The following TTC28 variants were observed in gnomAD, a reference collection of about 807,000 sequenced individuals.
TTC28 encodes tetratricopeptide repeat protein 28.
Under a neutral mutation model 198.0 loss-of-function variants are expected in TTC28, and 61 were observed. That is an observed-to-expected ratio of 0.31 (90% CI 0.25 to 0.38). TTC28 has a LOEUF of 0.38. TTC28 is among the 10% of genes least tolerant of loss of function. TTC28 has a pLI of 1.00. For missense variants in TTC28, 2,678 were observed against 3,164.0 expected, an observed-to-expected ratio of 0.85 and a Z score of 3.69; for synonymous variants, 1,171 against 1,297.8, an observed-to-expected ratio of 0.90 and a Z score of 2.10.
At chr22:28,214,605 T>C (rs892770208) in intron 5 of TTC28, among the ~76,000 whole-genome samples, 1 of 152,168 alleles carries the variant, frequency 6.6e-6, no homozygotes, top group African/African-American at 2.4e-5. Context: ...CCAGTTAGAA[T>C]GGCAAACATT....
At chr22:28,448,256 T>C (rs2146247170) in intron 2 of TTC28, among the ~76,000 whole-genome samples, 1 of 152,300 alleles carries the variant, frequency 6.6e-6, no homozygotes, top group East Asian at 1.9e-4. Context: ...ATTAAAATAG[T>C]ATTTTACTCA....
chr22:28,003,955 AAGT>A, intron 14 of TTC28, among the ~76,000 whole-genome samples: 1 of 152,156 alleles, frequency 6.6e-6, no homozygotes, highest in East Asian at 1.9e-4. Flanking sequence ...GACCGTAGGG[AAGT>A]CAGATAAATT....
intron 2 of TTC28, among the ~76,000 whole-genome samples, chr22:28,413,163 C>T (rs1485511128): frequency 6.6e-6 from 1 of 152,024 alleles, no homozygotes; most frequent in Non-Finnish European, 1.5e-5. Context: ...CAGCCGGGCG[C>T]GGTGCCTCAC....
At chr22:28,381,531 G>A (rs1484826813) in intron 2 of TTC28, among the ~76,000 whole-genome samples, 1 of 152,096 alleles carries the variant, frequency 6.6e-6, no homozygotes, top group Non-Finnish European at 1.5e-5. Context: ...TTACTCTGAT[G>A]ATATTTTTTG....
chr22:28,173,819 G>A (rs1043816016), intron 5 of TTC28, among the ~76,000 whole-genome samples: 4 of 152,022 alleles, frequency 2.6e-5, no homozygotes, highest in Admixed American at 6.6e-5. Context: ...ATTTAAACAC[G>A]TTTTCCTTCC....
intron 2 of TTC28, among the ~76,000 whole-genome samples, chr22:28,570,183 T>C (rs1474208646): frequency 6.6e-6 from 1 of 152,190 alleles, no homozygotes; most frequent in East Asian, 1.9e-4. Flanking sequence ...AGAACTACTA[T>C]TCAACACAGC....
chr22:28,221,555 A>T (rs1488812691), intron 5 of TTC28, among the ~76,000 whole-genome samples: 1 of 152,026 alleles, frequency 6.6e-6, no homozygotes, highest in Non-Finnish European at 1.5e-5. Context: ...TATGGTATGA[A>T]CCCCATGATA....
Position 28,105,437 on chromosome 22 carries a change from A to T in TTC28, c.3149T>A (p.Leu1050Gln), listed in dbSNP as rs561561490. ...YGNLGLTYES[L>Q]GTFERAVVYQ... ...GACCACAGCCCTCTCGAAGGTGCCC[A>T]GGGATTCATAAGTCAGGCCCAGGTT... is the stretch of plus-strand genomic sequence containing the variant. The change falls in exon 8 of 23, where the codon CTG becomes CAG. Residue 1050 changes from leucine (L) to glutamine (Q), a missense_variant. Leu to Gln is a moderately radical substitution (Grantham distance 113). This residue lies in a region of TTC28 where 727 missense variants were observed against 861.9 expected (regional missense o/e 0.84). Transcript: ENST00000397906. 7.2e-5 allele frequency: 112 copies of T among 1,551,694 alleles called. No individual in the cohort carries two copies. The highest frequency in any genetic ancestry group is 4.3e-4 in the Admixed American group (22 of 51,004).
intron 2 of TTC28, among the ~76,000 whole-genome samples, chr22:28,356,751 A>G (rs898605179): frequency 6.6e-5 from 10 of 150,856 alleles, no homozygotes; most frequent in Non-Finnish European, 6.0e-5. Context: ...GGCAGCTGAG[A>G]ACCTGTTGCA....
intron 5 of TTC28, among the ~76,000 whole-genome samples, chr22:28,244,169 AAGG>A (rs1392503364): frequency 6.6e-6 from 1 of 152,158 alleles, no homozygotes; most frequent in African/African-American, 2.4e-5. Flanking sequence ...AGTAGTAAGG[AAGG>A]AGGACAGGCA....
At chr22:28,363,786 T>C (rs1471216467) in intron 2 of TTC28, among the ~76,000 whole-genome samples, 1 of 152,198 alleles carries the variant, frequency 6.6e-6, no homozygotes, top group Non-Finnish European at 1.5e-5. Flanking sequence ...TATTTGACTG[T>C]CTCTCTGGAT....
intron 12 of TTC28, among the ~76,000 whole-genome samples, chr22:28,040,045 T>C (rs1188287490): frequency 1.3e-5 from 2 of 152,162 alleles, no homozygotes; most frequent in Non-Finnish European, 2.9e-5. Context: ...AGGAAGAAGT[T>C]GAATCCCTGA....
At position 27,983,160 on chromosome 22, in the gene TTC28, C is replaced by G. The variant is rs1937083290; in HGVS notation, c.6507G>C (p.Glu2169Asp). 1 of 1,551,712 alleles carries G rather than the reference C, an allele frequency of 6.4e-7. No individual in the cohort carries two copies. The highest frequency in any genetic ancestry group is 1.4e-5 in the African/African-American group (1 of 73,062). ...CCACCGCAATGAGATGACTCTGTGT[C>G]TCCTCCAGAATTTTCTGGGCTAACT... The part of the protein sequence containing the change: ...PQELAQKILE[E>D]TQSHLIAVER... Residue 2169 changes from glutamate (E) to aspartate (D), a missense_variant, in exon 23 of 23, where the codon GAG becomes GAC. This residue lies in a region of TTC28 where 622 missense variants were observed against 656.0 expected (regional missense o/e 0.95). Coordinates refer to ENST00000397906, the MANE Select transcript of TTC28 (RefSeq NM_001145418.2).
Position 28,429,017 on chromosome 22 carries a change from C to T in TTC28, c.382-122374G>A, listed in dbSNP as rs182681901. On this transcript the variant is annotated intron_variant, in intron 2 of 22. Transcript: ENST00000397906. ...ATTTAAAAGAGTAAACTGAAGTATCCCAAATCTTGAAATAGTGGAGTCATC... is the reference window on the plus strand; with the variant it reads ...ATTTAAAAGAGTAAACTGAAGTATCTCAAATCTTGAAATAGTGGAGTCATC... Among the ~76,000 whole-genome samples, 57 of 152,168 alleles carry T rather than the reference C, an allele frequency of 3.7e-4. No homozygotes were observed. The East Asian group carries it at 8.9e-3, about 24-fold the overall frequency.
chr22:28,419,942 A>G lies in TTC28; in HGVS notation c.382-113299T>C, dbSNP rs535555875. 9.8e-5 allele frequency among the ~76,000 whole-genome samples: 15 copies of G among 152,354 alleles called. No individual in the cohort carries two copies. In the South Asian group the frequency reaches 1.7e-3, roughly 17 times the overall value. On this transcript the variant is annotated intron_variant, in intron 2 of 22. Coordinates refer to ENST00000397906, the MANE Select transcript of TTC28 (RefSeq NM_001145418.2). ...GAAAAGATCTTGAAATCCATATTAC[A>G]GGGTATTAATTCACAGATTTATCGG...
At chr22:28,594,284 T>C (rs1188020579) in intron 2 of TTC28, among the ~76,000 whole-genome samples, 2 of 148,670 alleles carry the variant, frequency 1.3e-5, no homozygotes, top group South Asian at 2.1e-4. Flanking sequence ...AAGTAATTAA[T>C]TATATTATTT....
At chr22:28,313,353 C>T (rs2045298986) in intron 2 of TTC28, among the ~76,000 whole-genome samples, 1 of 152,224 alleles carries the variant, frequency 6.6e-6, no homozygotes, top group African/African-American at 2.4e-5. Context: ...TCCTCCCTAA[C>T]TCATTTTATG....
At chr22:28,028,814 G>A (rs769797667) in intron 13 of TTC28, 101 of 355,696 alleles carry the variant, frequency 2.8e-4, no homozygotes, top group Admixed American at 4.8e-4. Context: ...CGGTCAGTGT[G>A]TTATTTATAC....
At chr22:28,271,679 A>G (rs1001958310) in intron 5 of TTC28, among the ~76,000 whole-genome samples, 6 of 152,106 alleles carry the variant, frequency 3.9e-5, no homozygotes, top group Non-Finnish European at 8.8e-5. Flanking sequence ...ATCTCGGCTC[A>G]CTGCAACCTC....
Sources: gnomAD v4.1 joint callset for allele counts (sites outside exome capture counted in the v4.1 genomes callset) on GRCh38, gnomAD v4.1.1 for gene constraint, gnomAD v4.1.1 regional missense constraint, MANE v1.5 for transcripts, NCBI Gene and HGNC (gene_info 2026-07-23, HGNC 2026-07-21) for gene names.